The following ARHGAP22 variants were observed in gnomAD, a reference collection of about 807,000 sequenced individuals.
ARHGAP22 encodes rho GTPase-activating protein 22.
Under a neutral mutation model 59.1 loss-of-function variants are expected in ARHGAP22, and 48 were observed. That is an observed-to-expected ratio of 0.81 (90% CI 0.64 to 1.03). The LOEUF (loss-of-function observed/expected upper bound fraction) is 1.03. ARHGAP22 is among the 50% of genes least tolerant of loss of function. The pLI is 0.00. For synonymous variants in ARHGAP22, 445 were observed against 416.4 expected (o/e 1.07, Z -0.84); for missense variants, 1,015 against 958.7 (o/e 1.06, Z -0.78).
At chr10:48,478,013 T>C (rs1364314179) in intron 4 of ARHGAP22, among the ~76,000 whole-genome samples, 1 of 152,228 alleles carries the variant, frequency 6.6e-6, no homozygotes, top group East Asian at 1.9e-4. Context: ...TTAGTGTTTT[T>C]TTGTAACTCA....
At chr10:48,609,792 C>T (rs780470664), upstream of ARHGAP22, among the ~76,000 whole-genome samples, 24 of 152,258 alleles carry the variant, frequency 1.6e-4, no homozygotes, top group African/African-American at 5.5e-4. Context: ...AGGCCTGTTG[C>T]GAGATCTTTA....
At chr10:48,432,053 G>A in the ARHGAP22 span, among the ~76,000 whole-genome samples, 1 of 152,144 alleles carries the variant, frequency 6.6e-6, no homozygotes, top group Non-Finnish European at 1.5e-5. Context: ...AGAGTGTGTG[G>A]TTTTTTCAGC....
chr10:48,525,705 C>G (rs1391994426), intron 3 of ARHGAP22, among the ~76,000 whole-genome samples: 1 of 152,130 alleles, frequency 6.6e-6, no homozygotes, highest in East Asian at 1.9e-4. Context: ...AAGACACATA[C>G]CCATACTCAC....
chr10:48,490,070 T>G (rs1077960), intron 3 of ARHGAP22, among the ~76,000 whole-genome samples: 27,130 of 152,014 alleles, frequency 0.18, 3,490 homozygotes, highest in East Asian at 0.63. Context: ...GTCCAACGTC[T>G]ATGGGTCAAA....
intron 1 of ARHGAP22, among the ~76,000 whole-genome samples, chr10:48,628,063 A>G (rs7088262): frequency 0.012 from 1,820 of 152,322 alleles, 44 homozygotes; most frequent in African/African-American, 0.042. Flanking sequence ...ACAGGGACAG[A>G]CATCTGGCCT....
intron 1 of ARHGAP22, among the ~76,000 whole-genome samples, chr10:48,589,573 C>G (rs1478746961): frequency 1.3e-5 from 2 of 152,224 alleles, no homozygotes; most frequent in Non-Finnish European, 2.9e-5. Flanking sequence ...CCTCCCCATT[C>G]TCATCCAGGG....
At chr10:48,554,688 C>T (rs2135310825) in intron 3 of ARHGAP22, among the ~76,000 whole-genome samples, 1 of 152,254 alleles carries the variant, frequency 6.6e-6, no homozygotes, top group East Asian at 1.9e-4. Flanking sequence ...GTGGGTAGAG[C>T]CCCAGCCTCA....
At chr10:48,610,334 A>T (rs1446760162) in intron 1 of ARHGAP22, among the ~76,000 whole-genome samples, 1 of 152,156 alleles carries the variant, frequency 6.6e-6, no homozygotes, top group Non-Finnish European at 1.5e-5. Flanking sequence ...CATACCGAGC[A>T]AGAGAGTTCA....
In ARHGAP22 at chr10:48,573,197, C is replaced by A. The variant is rs10857599; in HGVS notation, c.234+9756G>T. Reference sequence around the variant, plus strand: ...TGATTGTGTTGAATGATTTGCTAAACCTTCATAGGGTAAAGTTCCACCCAG... The same window carrying A: ...TGATTGTGTTGAATGATTTGCTAAAACTTCATAGGGTAAAGTTCCACCCAG... On this transcript the variant is annotated intron_variant, in intron 2 of 9. Transcript: ENST00000249601. 2.5e-3 allele frequency among the ~76,000 whole-genome samples: 373 copies of A among 152,086 alleles called. 2 individuals carry two copies. The highest frequency in any genetic ancestry group is 2.8e-3 in the Non-Finnish European group (190 of 67,978).
chr10:48,612,374 G>C (rs2060929467), intron 1 of ARHGAP22, among the ~76,000 whole-genome samples: 1 of 152,188 alleles, frequency 6.6e-6, no homozygotes, highest in South Asian at 2.1e-4. Flanking sequence ...TCTATATCTG[G>C]CAGGCAGTTG....
At chr10:48,564,682 GCA>G (rs377574246) in intron 2 of ARHGAP22, among the ~76,000 whole-genome samples, 220 of 152,316 alleles carry the variant, frequency 1.4e-3, no homozygotes, top group African/African-American at 5.0e-3. Context: ...AGGCCAGCCT[GCA>G]CAGTGTTTCT....
chr10:48,455,038 G>A lies in ARHGAP22; in HGVS notation c.756C>T (p.Leu252=), dbSNP rs1322419315. ...VVPFARYEDF[L]SCAQLLTKDE... ...CCTTGGTGAGCAGCTGGGCGCAGCT[G>A]AGGAAGTCCTCGTACCTGGCGAAGG... The change falls in exon 6 of 10, where the codon CTC becomes CTT. Residue 252 remains leucine, a synonymous_variant. Coordinates refer to ENST00000249601, the MANE Select transcript of ARHGAP22 (RefSeq NM_021226.4). The A allele has an allele frequency of 1.9e-6, 3 of 1,611,322 alleles. No homozygotes were observed. The highest frequency in any genetic ancestry group is 2.7e-5 in the African/African-American group (2 of 74,924).
chr10:48,523,872 A>G (rs1034057483), intron 3 of ARHGAP22, among the ~76,000 whole-genome samples: 2 of 151,870 alleles, frequency 1.3e-5, no homozygotes, highest in African/African-American at 4.8e-5. Flanking sequence ...GCCCCGAGTG[A>G]AGGGGAGCCT....
At chr10:48,462,658 C>T (rs2047259167) in intron 4 of ARHGAP22, among the ~76,000 whole-genome samples, 1 of 152,234 alleles carries the variant, frequency 6.6e-6, no homozygotes, top group Non-Finnish European at 1.5e-5. Flanking sequence ...TGTGAACAGA[C>T]AACAGGCAGA....
Position 48,450,848 on chromosome 10 carries a change from A to G in ARHGAP22, c.1281T>C (p.Ser427=), listed in dbSNP as rs2045861684. 2 of 1,590,732 alleles carry G rather than the reference A, an allele frequency of 1.3e-6. No individual in the cohort carries two copies. Among genetic ancestry groups the G allele is most frequent in the Non-Finnish European group, 1.7e-6 (2 of 1,169,088 alleles). ...TCGGCTGCCGGAAGGAGGACTTCCA[A>G]CTGGGCAGGGTCTGCACCTTCTTCC... ...SPGKKVQTLP[S]WKSSFRQPRS... The change falls in exon 9 of 10, where the codon AGT becomes AGC. Residue 427 remains serine (S), a synonymous_variant. Coordinates refer to ENST00000249601, the MANE Select transcript of ARHGAP22 (RefSeq NM_021226.4).
intron 1 of ARHGAP22, among the ~76,000 whole-genome samples, chr10:48,610,314 A>G (rs1300341227): frequency 1.3e-5 from 2 of 152,192 alleles, no homozygotes; most frequent in East Asian, 3.9e-4. Flanking sequence ...GCACTAGGAA[A>G]CCACCCAGAC....
chr10:48,452,532 G>A (rs1316530579), intron 8 of ARHGAP22, among the ~76,000 whole-genome samples: 3 of 152,222 alleles, frequency 2.0e-5, no homozygotes, highest in African/African-American at 4.8e-5. Flanking sequence ...AAAGCACTCC[G>A]CCACGTCCCT....
chr10:48,451,238 C>T (rs1589419016), intron 8 of ARHGAP22, 98 bp from the exon 9 acceptor site: 1 of 1,500,938 alleles, frequency 6.7e-7, no homozygotes, highest in Non-Finnish European at 9.1e-7. Context: ...TGGGAGCTGG[C>T]CCTGTCCCCA....
downstream of ARHGAP22, chr10:48,443,799 C>T (rs2045260000): frequency 6.6e-6 from 1 of 152,172 alleles, no homozygotes; most frequent in Admixed American, 6.5e-5. Flanking sequence ...AGATTCATTC[C>T]TGGTCCATCA....
Sources: allele counts gnomAD v4.1 joint callset (sites outside exome capture counted in the v4.1 genomes callset), GRCh38; gene constraint gnomAD v4.1.1; transcripts MANE v1.5; gene names NCBI Gene and HGNC (gene_info 2026-07-23, HGNC 2026-07-21).